ATXN7L1: variants seen among roughly 807,000 people sequenced by gnomAD.
The protein encoded by ATXN7L1 is ataxin-7-like protein 1.
A neutral mutation model predicts 70.8 loss-of-function variants in ATXN7L1; 15 were observed. That is an observed-to-expected ratio of 0.21 (90% confidence interval 0.14 to 0.33). The LOEUF (loss-of-function observed/expected upper bound fraction) is 0.33, where lower values mean the gene tolerates loss of function less well. ATXN7L1 is among the 10% of genes least tolerant of loss of function. ATXN7L1 has a pLI of 1.00. For synonymous variants in ATXN7L1, 440 were observed against 445.1 expected, an observed-to-expected ratio of 0.99 and a Z score of 0.14; for missense variants, 975 against 1,097.1, an observed-to-expected ratio of 0.89 and a Z score of 1.57.
chr7:105,710,758 A>G (rs1004247797), intron 3 of ATXN7L1, among the ~76,000 whole-genome samples: 3 of 152,186 alleles, frequency 2.0e-5, no homozygotes, highest in Admixed American at 2.0e-4. Context: ...CCAGTGCCAC[A>G]CACTTTTAAA....
intron 2 of ATXN7L1, among the ~76,000 whole-genome samples, chr7:105,830,783 A>G (rs1157415195): frequency 6.6e-6 from 1 of 152,250 alleles, no homozygotes; most frequent in Non-Finnish European, 1.5e-5. Flanking sequence ...TGTCAGGTCC[A>G]GTGGCCTTCC....
intron 2 of ATXN7L1, among the ~76,000 whole-genome samples, chr7:105,849,702 C>T (rs534387129): frequency 1.4e-4 from 22 of 152,330 alleles, no homozygotes; most frequent in African/African-American, 5.1e-4. Flanking sequence ...GTCACTGGGG[C>T]TCCCTGAGGA....
intron 3 of ATXN7L1, among the ~76,000 whole-genome samples, chr7:105,727,775 TATACAC>T (rs1404244903): frequency 1.7e-4 from 20 of 115,426 alleles, no homozygotes; most frequent in African/African-American, 7.1e-4. Flanking sequence ...TATATATATA[TATACAC>T]ACACATACAC....
At chr7:105,830,657 G>A (rs1432087504) in intron 2 of ATXN7L1, among the ~76,000 whole-genome samples, 2 of 152,266 alleles carry the variant, frequency 1.3e-5, no homozygotes, top group African/African-American at 4.8e-5. Flanking sequence ...CCATCCCAGG[G>A]CTCTTAACCC....
At chr7:105,862,086 T>C (rs907553586) in intron 2 of ATXN7L1, among the ~76,000 whole-genome samples, 2 of 152,150 alleles carry the variant, frequency 1.3e-5, no homozygotes, top group Middle Eastern at 3.2e-3. Flanking sequence ...TCTGGGGACT[T>C]GGCTAACAGG....
At chr7:105,789,931 C>T (rs1045198542) in intron 2 of ATXN7L1, among the ~76,000 whole-genome samples, 12 of 151,900 alleles carry the variant, frequency 7.9e-5, no homozygotes, top group Admixed American at 2.0e-4. Flanking sequence ...CACCAATTGA[C>T]GAGTGGATAA....
At chr7:105,657,049 G>A (rs938315344) in intron 4 of ATXN7L1, among the ~76,000 whole-genome samples, 1 of 152,166 alleles carries the variant, frequency 6.6e-6, no homozygotes, top group African/African-American at 2.4e-5. Flanking sequence ...GCCCTAACCT[G>A]CTGTTAAATC....
intron 4 of ATXN7L1, among the ~76,000 whole-genome samples, chr7:105,649,141 G>A (rs1447869250): frequency 6.6e-6 from 1 of 152,210 alleles, no homozygotes; most frequent in East Asian, 1.9e-4. Context: ...ATCAACTCAC[G>A]ATTGTCCTTT....
At chr7:105,706,272 CA>C (rs1327098591) in intron 3 of ATXN7L1, among the ~76,000 whole-genome samples, 3 of 141,300 alleles carry the variant, frequency 2.1e-5, no homozygotes, top group African/African-American at 7.5e-5. Context: ...CAGCCCACTG[CA>C]ACCTCTGCCT....
intron 3 of ATXN7L1, among the ~76,000 whole-genome samples, chr7:105,709,791 T>G (rs1482033287): frequency 6.6e-6 from 1 of 152,076 alleles, no homozygotes; most frequent in East Asian, 1.9e-4. Flanking sequence ...TCTTGGGAAG[T>G]GTGAATAATG....
chr7:105,690,752 G>A (rs999781027), intron 3 of ATXN7L1, among the ~76,000 whole-genome samples: 1 of 152,182 alleles, frequency 6.6e-6, no homozygotes, highest in African/African-American at 2.4e-5. Context: ...CTCAAGGTAC[G>A]ATATCAAGGG....
Position 105,624,133 on chromosome 7 carries a change from G to A in ATXN7L1, c.1337C>T (p.Ala446Val). The stretch of plus-strand genomic sequence containing the variant: ...ACAGTCTAGCTTCTCGGATTCGTCG[G>A]CTCCGTCCATCTCCCCTTCATCACT... Reference protein sequence around the residue: ...LSSDEGEMDGADESEKLDCQF... With the variant: ...LSSDEGEMDGVDESEKLDCQF... The change falls in exon 8 of 12, where the codon GCC becomes GTC. Residue 446 changes from alanine to valine, a missense_variant. Coordinates refer to ENST00000419735, the MANE Select transcript of ATXN7L1 (RefSeq NM_020725.2). 1 of 1,529,896 alleles carries A rather than the reference G, an allele frequency of 6.5e-7. No individual in the cohort carries two copies. Among genetic ancestry groups the A allele is most frequent in the Non-Finnish European group, 8.8e-7 (1 of 1,134,544 alleles). 94.8% of individuals were successfully genotyped at this position (1,529,896 alleles called of 1,614,324 possible).
chr7:105,770,015 A>G (rs1801768537), intron 3 of ATXN7L1, among the ~76,000 whole-genome samples: 1 of 152,202 alleles, frequency 6.6e-6, no homozygotes, highest in African/African-American at 2.4e-5. Flanking sequence ...TGGAATTGTT[A>G]CAAGTGCTTT....
At chr7:105,611,164 G>A (rs1273946242) in intron 10 of ATXN7L1, among the ~76,000 whole-genome samples, 1 of 152,184 alleles carries the variant, frequency 6.6e-6, no homozygotes, top group Admixed American at 6.5e-5. Flanking sequence ...GTGGATGGAG[G>A]ACAGGAACGC....
intron 2 of ATXN7L1, among the ~76,000 whole-genome samples, chr7:105,809,639 C>A (rs778177767): frequency 6.6e-6 from 1 of 152,146 alleles, no homozygotes; most frequent in African/African-American, 2.4e-5. Context: ...CATATATTAA[C>A]GTATTTAGCC....
chr7:105,740,740 C>T (rs1797899141), intron 3 of ATXN7L1, among the ~76,000 whole-genome samples: 3 of 150,928 alleles, frequency 2.0e-5, no homozygotes, highest in Admixed American at 2.0e-4. Flanking sequence ...ATACACACAG[C>T]AGCTGCTCAG....
At chr7:105,687,629 C>T (rs1004391740) in intron 3 of ATXN7L1, among the ~76,000 whole-genome samples, 1 of 152,196 alleles carries the variant, frequency 6.6e-6, no homozygotes, top group South Asian at 2.1e-4. Flanking sequence ...TTGTTGAACC[C>T]ACCCAGGCTG....
rs1266832270 is a variant in ATXN7L1, at chr7:105,695,029, T to C, written c.356-29741A>G. ...AGTTGGGCGTGGTGGCCGGTGCCTG[T>C]AGTCCCAGCTACTCAGGAGGCTGAG... On this transcript the variant is annotated intron_variant, in intron 3 of 11. Transcript: ENST00000419735. 2.6e-5 allele frequency among the ~76,000 whole-genome samples: 4 copies of C among 152,118 alleles called. No individual in the cohort carries two copies. In the South Asian group the frequency reaches 6.2e-4, roughly 24 times the overall value.
intron 2 of ATXN7L1, chr7:105,819,572 A>G: frequency 1.7e-6 from 2 of 1,168,956 alleles, no homozygotes; most frequent in Non-Finnish European, 2.6e-6. Context: ...CTAAGTAGGT[A>G]CTGCTGGGCC....
Sources: allele counts gnomAD v4.1 joint callset (sites outside exome capture counted in the v4.1 genomes callset), GRCh38; gene constraint gnomAD v4.1.1; transcripts MANE v1.5; gene names NCBI Gene and HGNC (gene_info 2026-07-23, HGNC 2026-07-21).